Variants in NUMB observed in about 807,000 individuals in gnomAD.
NUMB encodes the protein NUMB endocytic adaptor protein, also known as protein numb homolog.
In NUMB, 29 loss-of-function variants were observed where a neutral mutation model predicts 59.7. The ratio of observed to expected loss-of-function variants is 0.49; its 90% CI spans 0.36 to 0.66. The LOEUF is 0.66. NUMB is among the 30% of genes least tolerant of loss of function. The pLI is 0.00. For missense variants in NUMB, 723 were observed against 822.0 expected, an observed-to-expected ratio of 0.88 and a Z score of 1.47; for synonymous variants, 288 against 288.2, an observed-to-expected ratio of 1.00 and a Z score of 0.01.
chr14:73,307,409 A>G (rs1940816376), intron 6 of NUMB, among the ~76,000 whole-genome samples: 1 of 151,952 alleles, frequency 6.6e-6, no homozygotes, highest in South Asian at 2.1e-4. Context: ...ATGCCTGAGA[A>G]TGGGGCTTTT....
intron 4 of NUMB, among the ~76,000 whole-genome samples, chr14:73,349,660 A>G (rs1893106765): frequency 6.6e-6 from 1 of 151,840 alleles, no homozygotes; most frequent in Admixed American, 6.6e-5. Context: ...CGGGTGGATC[A>G]CGAGGCCAGG....
chr14:73,438,460 G>A (rs111383798), intron 1 of NUMB, among the ~76,000 whole-genome samples: 8 of 151,700 alleles, frequency 5.3e-5, no homozygotes, highest in Non-Finnish European at 7.4e-5. Context: ...GCGAAACCCC[G>A]TCTCTACTAA....
intron 2 of NUMB, among the ~76,000 whole-genome samples, chr14:73,376,832 G>T (rs182969308): frequency 6.6e-6 from 1 of 152,118 alleles, no homozygotes; most frequent in Non-Finnish European, 1.5e-5. Flanking sequence ...TGCTATAACT[G>T]TGCCTGTGAA....
chr14:73,333,688 C>T (rs557668368), intron 4 of NUMB, among the ~76,000 whole-genome samples: 1 of 152,052 alleles, frequency 6.6e-6, no homozygotes, highest in South Asian at 2.1e-4. Context: ...CTTCTTTTCA[C>T]TTTCTTGATA....
Position 73,323,126 on chromosome 14 carries a change from AT to A in NUMB, c.201+3del. 1 of 1,608,184 alleles carries A rather than the reference AT, an allele frequency of 6.2e-7. No individual in the cohort carries two copies. Among genetic ancestry groups the A allele is most frequent in the Non-Finnish European group, 8.5e-7 (1 of 1,174,972 alleles). The stretch of plus-strand genomic sequence containing the variant: ...ATCAACACTGGCAACCATCAAATAC[AT>A]ACAGCTTTCAATCTTTTTACAGCAT... On this transcript the variant is annotated splice_donor_region_variant and intron_variant, in intron 5 of 12. Transcript: ENST00000555238.
chr14:73,336,952 C>G (rs1445774096), intron 4 of NUMB, among the ~76,000 whole-genome samples: 1 of 152,140 alleles, frequency 6.6e-6, no homozygotes, highest in Non-Finnish European at 1.5e-5. Context: ...ATCATCTCGG[C>G]TAGGCATGGT....
chr14:73,327,350 G>A (rs1333951509), intron 4 of NUMB, among the ~76,000 whole-genome samples: 4 of 152,236 alleles, frequency 2.6e-5, no homozygotes, highest in Admixed American at 6.5e-5. Flanking sequence ...TCTGCCTCCC[G>A]GGTTCAAGCG....
At chr14:73,314,690 C>G (rs528265127) in intron 6 of NUMB, among the ~76,000 whole-genome samples, 86 of 152,138 alleles carry the variant, frequency 5.7e-4, no homozygotes, top group South Asian at 3.5e-3. Flanking sequence ...ATAACCTGAC[C>G]TTCATCTTAT....
At chr14:73,296,995 C>G (rs898745554) in intron 7 of NUMB, among the ~76,000 whole-genome samples, 5 of 152,174 alleles carry the variant, frequency 3.3e-5, no homozygotes, top group Non-Finnish European at 7.3e-5. Context: ...TGGAGAAACC[C>G]CATTTCTACT....
intron 1 of NUMB, among the ~76,000 whole-genome samples, chr14:73,438,746 C>T (rs145589243): frequency 1.5e-3 from 224 of 150,456 alleles, no homozygotes; most frequent in African/African-American, 3.9e-3. Flanking sequence ...AAAATATGCA[C>T]GAAGAAAAAA....
At chr14:73,283,221 G>C (rs1888748483) in intron 10 of NUMB, among the ~76,000 whole-genome samples, 1 of 152,168 alleles carries the variant, frequency 6.6e-6, no homozygotes, top group Non-Finnish European at 1.5e-5. Flanking sequence ...GAAGGAGACT[G>C]AACTGAAATG....
intron 1 of NUMB, among the ~76,000 whole-genome samples, chr14:73,436,489 T>C (rs1898057684): frequency 6.6e-6 from 1 of 152,042 alleles, no homozygotes; most frequent in African/African-American, 2.4e-5. Context: ...CTGGCTAATT[T>C]TTGTATTTTT....
chr14:73,299,967 T>G (rs1304745345), intron 6 of NUMB, among the ~76,000 whole-genome samples: 1 of 152,160 alleles, frequency 6.6e-6, no homozygotes, highest in African/African-American at 2.4e-5. Flanking sequence ...CCGTAAAATA[T>G]TTGTAGTTTG....
At chr14:73,435,805 G>A (rs557020431) in intron 1 of NUMB, among the ~76,000 whole-genome samples, 69 of 151,838 alleles carry the variant, frequency 4.5e-4, no homozygotes, top group Admixed American at 3.3e-4. Flanking sequence ...TCAGGAGTTC[G>A]AGACTAGCCT....
At chr14:73,417,251 T>C (rs1246062285) in intron 1 of NUMB, among the ~76,000 whole-genome samples, 1 of 151,686 alleles carries the variant, frequency 6.6e-6, no homozygotes, top group Non-Finnish European at 1.5e-5. Flanking sequence ...GAGGGCAGAG[T>C]GTAAAAGGCT....
At chr14:73,410,416 G>T (rs1228045257) in intron 1 of NUMB, among the ~76,000 whole-genome samples, 2 of 152,074 alleles carry the variant, frequency 1.3e-5, no homozygotes, top group Admixed American at 6.6e-5. Flanking sequence ...AGAAGACCTG[G>T]GTTCCAAACT....
chr14:73,284,097 G>A lies in NUMB; in HGVS notation c.933C>T (p.Phe311=). Residue 311 remains phenylalanine, a synonymous_variant, in exon 10 of 13, where the codon TTC becomes TTT. Transcript: ENST00000555238. Reference sequence around the variant, plus strand: ...CTACATTACCTGCATTTTTAATGGGGAAATCAGTCTTCCTCTGCATAGTGG... The same window carrying A: ...CTACATTACCTGCATTTTTAATGGGAAAATCAGTCTTCCTCTGCATAGTGG... ...LPSTMQRKTD[F]PIKNAVPEVE... 1 of 1,614,058 alleles carries A rather than the reference G, an allele frequency of 6.2e-7. No homozygotes were observed. Among genetic ancestry groups the A allele is most frequent in the African/African-American group, 1.3e-5 (1 of 75,054 alleles).
At chr14:73,419,534 A>G (rs1395942777) in intron 1 of NUMB, among the ~76,000 whole-genome samples, 1 of 152,136 alleles carries the variant, frequency 6.6e-6, no homozygotes, top group African/African-American at 2.4e-5. Flanking sequence ...ATAAATGAAT[A>G]AATAAGGAAA....
intron 3 of NUMB, among the ~76,000 whole-genome samples, chr14:73,357,880 A>G (rs1893884772): frequency 8.4e-6 from 1 of 119,442 alleles, no homozygotes; most frequent in Admixed American, 9.0e-5. Flanking sequence ...AATTATCCTG[A>G]GGCCCCCCCC....
Sources: allele counts gnomAD v4.1 joint callset (sites outside exome capture counted in the v4.1 genomes callset), GRCh38; gene constraint gnomAD v4.1.1; transcripts MANE v1.5; gene names NCBI Gene and HGNC (gene_info 2026-07-23, HGNC 2026-07-21).